The following NOL4 variants were observed in gnomAD, a reference collection of about 807,000 sequenced individuals.
NOL4 encodes nucleolar protein 4, also known as cancer/testis antigen 125.
In NOL4, 17 loss-of-function variants were observed where a neutral mutation model predicts 75.9. The ratio of observed to expected loss-of-function variants is 0.22; its 90% CI spans 0.15 to 0.34. The LOEUF (loss-of-function observed/expected upper bound fraction) is 0.34. Among genes scored for constraint, NOL4 ranks in the 10% least tolerant of loss-of-function variants. NOL4 has a pLI of 1.00. For synonymous variants in NOL4, 292 were observed against 289.9 expected, an observed-to-expected ratio of 1.01 and a Z score of -0.07; for missense variants, 614 against 793.5, an observed-to-expected ratio of 0.77 and a Z score of 2.72.
intron 10 of NOL4, among the ~76,000 whole-genome samples, chr18:33,860,413 C>T (rs1238971240): frequency 6.6e-6 from 1 of 152,146 alleles, no homozygotes; most frequent in Non-Finnish European, 1.5e-5. Context: ...TCATCTGAGA[C>T]AAGGCAATGC....
intron 2 of NOL4, among the ~76,000 whole-genome samples, chr18:34,112,201 T>A (rs1015113062): frequency 2.0e-5 from 3 of 151,942 alleles, no homozygotes; most frequent in Non-Finnish European, 2.9e-5. Flanking sequence ...AAACCTTATC[T>A]CTACTAAAAT....
At chr18:33,893,804 G>C (rs1337002705) in intron 9 of NOL4, among the ~76,000 whole-genome samples, 2 of 152,048 alleles carry the variant, frequency 1.3e-5, no homozygotes, top group Non-Finnish European at 2.9e-5. Context: ...ATTACATTTT[G>C]AGAATATCAT....
At chr18:34,045,752 G>A (rs2144874552) in intron 5 of NOL4, among the ~76,000 whole-genome samples, 1 of 152,214 alleles carries the variant, frequency 6.6e-6, no homozygotes, top group African/African-American at 2.4e-5. Context: ...CTATTTAACA[G>A]TCCTCTAAAG....
intron 1 of NOL4, among the ~76,000 whole-genome samples, chr18:34,145,105 C>G (rs900864820): frequency 6.6e-6 from 1 of 151,920 alleles, no homozygotes; most frequent in Non-Finnish European, 1.5e-5. Flanking sequence ...TTATACTAGT[C>G]AGATTGAAAC....
At chr18:34,179,722 G>A (rs1260692817) in intron 1 of NOL4, among the ~76,000 whole-genome samples, 2 of 151,562 alleles carry the variant, frequency 1.3e-5, no homozygotes, top group Admixed American at 1.3e-4. Flanking sequence ...CATTGTGAAG[G>A]TATTAGGATG....
chr18:34,139,118 G>A (rs1223376225), intron 1 of NOL4, among the ~76,000 whole-genome samples: 1 of 152,144 alleles, frequency 6.6e-6, no homozygotes, highest in Non-Finnish European at 1.5e-5. Flanking sequence ...TGTTTATCAG[G>A]GATATTGGTC....
chr18:34,002,234 C>T (rs2073763918), intron 6 of NOL4, among the ~76,000 whole-genome samples: 1 of 151,988 alleles, frequency 6.6e-6, no homozygotes, highest in Non-Finnish European at 1.5e-5. Context: ...ATGTGGCCCT[C>T]TTTACTTTTT....
At chr18:33,857,889 C>T (rs1444155971) in intron 10 of NOL4, among the ~76,000 whole-genome samples, 1 of 152,068 alleles carries the variant, frequency 6.6e-6, no homozygotes, top group Admixed American at 6.6e-5. Context: ...CTCTTAGTTC[C>T]ACTTCGGATT....
At chr18:34,006,274 G>C (rs1600225301) in intron 6 of NOL4, among the ~76,000 whole-genome samples, 1 of 152,182 alleles carries the variant, frequency 6.6e-6, no homozygotes, top group Non-Finnish European at 1.5e-5. Flanking sequence ...AATTTTATGT[G>C]TCAACTTGAT....
chr18:34,186,956 A>G (rs1219697431), intron 1 of NOL4, among the ~76,000 whole-genome samples: 2 of 152,192 alleles, frequency 1.3e-5, no homozygotes, highest in African/African-American at 4.8e-5. Context: ...ATCCTATCAT[A>G]TATATAGCCT....
intron 9 of NOL4, among the ~76,000 whole-genome samples, chr18:33,921,636 T>C (rs911598787): frequency 2.6e-5 from 4 of 152,166 alleles, no homozygotes; most frequent in Admixed American, 1.3e-4. Context: ...TCTGGGCTAC[T>C]AGAAGCAGCA....
In NOL4 at chr18:33,921,860, C is replaced by G. The variant is rs553822782; in HGVS notation, c.1542+21205G>C. Reference sequence around the variant, plus strand: ...GGCTTTCCAGCATTCATCCCCCTTCCCCTTTTAGTAACTGTATCTGATCCT... The same window carrying G: ...GGCTTTCCAGCATTCATCCCCCTTCGCCTTTTAGTAACTGTATCTGATCCT... On this transcript the variant is annotated intron_variant, in intron 9 of 10. Coordinates refer to ENST00000261592, the MANE Select transcript of NOL4 (RefSeq NM_003787.5). Among the ~76,000 whole-genome samples the G allele has an allele frequency of 8.5e-5, 13 of 152,302 alleles. No homozygotes were observed. In the South Asian group the frequency reaches 2.5e-3, roughly 29 times the overall value.
intron 5 of NOL4, among the ~76,000 whole-genome samples, chr18:34,091,191 A>C (rs1184361367): frequency 9.7e-6 from 1 of 103,080 alleles, no homozygotes; most frequent in Non-Finnish European, 2.1e-5. Flanking sequence ...CTCTACTAAA[A>C]ATACAAAAAA....
At chr18:33,978,264 T>A (rs1236553236) in intron 6 of NOL4, among the ~76,000 whole-genome samples, 2 of 152,152 alleles carry the variant, frequency 1.3e-5, no homozygotes, top group African/African-American at 2.4e-5. Flanking sequence ...TATATCAAAG[T>A]GACTGATACC....
intron 4 of NOL4, among the ~76,000 whole-genome samples, chr18:34,098,373 G>A (rs1429448853): frequency 6.6e-6 from 1 of 152,162 alleles, no homozygotes; most frequent in Non-Finnish European, 1.5e-5. Context: ...GCATAAGCCA[G>A]CCACATGGAG....
At position 34,129,844 on chromosome 18, in the gene NOL4, CTCTTTTTTTTT is replaced by C. The variant is rs1568375060; in HGVS notation, c.414+16_414+26del. 2.6e-6 allele frequency: 4 copies of C among 1,517,016 alleles called. No homozygotes were observed. The highest frequency in any genetic ancestry group is 3.5e-6 in the Non-Finnish European group (4 of 1,134,096). 94.0% of individuals were successfully genotyped at this position (1,517,016 alleles called of 1,614,324 possible). On this transcript the variant is annotated intron_variant, in intron 2 of 10. Coordinates refer to ENST00000261592, the MANE Select transcript of NOL4 (RefSeq NM_003787.5). ...ATAATATCAAGTCTCGAAATGCATG[CTCTTTTTTTTT>C]TCTTTTTTAACTTACTGCTTTGTAA... is the stretch of plus-strand genomic sequence containing the variant.
At chr18:34,080,530 C>T (rs1393369851) in intron 5 of NOL4, among the ~76,000 whole-genome samples, 2 of 152,098 alleles carry the variant, frequency 1.3e-5, no homozygotes, top group Admixed American at 6.6e-5. Flanking sequence ...ACATAAAAAG[C>T]GGCATGCACC....
At chr18:34,095,427 A>G (rs1053185575) in intron 4 of NOL4, among the ~76,000 whole-genome samples, 4 of 152,104 alleles carry the variant, frequency 2.6e-5, no homozygotes, top group African/African-American at 7.2e-5. Flanking sequence ...TAGATACACT[A>G]TATTTACTTT....
intron 1 of NOL4, among the ~76,000 whole-genome samples, chr18:34,197,809 A>G (rs2035443502): frequency 6.6e-6 from 1 of 151,956 alleles, no homozygotes; most frequent in African/African-American, 2.4e-5. Context: ...AAGACAGATC[A>G]ATAGATCTAT....
Sources: allele counts gnomAD v4.1 joint callset (sites outside exome capture counted in the v4.1 genomes callset), GRCh38; gene constraint gnomAD v4.1.1; transcripts MANE v1.5; gene names NCBI Gene and HGNC (gene_info 2026-07-23, HGNC 2026-07-21).